PDE4D: variants seen among roughly 807,000 people sequenced by gnomAD.
PDE4D encodes the protein phosphodiesterase 4D.
Under a neutral mutation model 87.4 loss-of-function variants are expected in PDE4D, and 24 were observed. The ratio of observed to expected loss-of-function variants is 0.27; its 90% CI spans 0.20 to 0.39. The LOEUF is 0.39. Among genes scored for constraint, PDE4D ranks in the 10% least tolerant of loss-of-function variants. The pLI, the probability that PDE4D is intolerant of heterozygous loss-of-function variation, is 1.00. For missense variants in PDE4D, 714 were observed against 1,041.0 expected, an observed-to-expected ratio of 0.69 and a Z score of 4.32; for synonymous variants, 384 against 383.2, an observed-to-expected ratio of 1.00 and a Z score of -0.02.
intron 1 of PDE4D, among the ~76,000 whole-genome samples, chr5:59,786,855 T>C (rs377746925): frequency 3.9e-5 from 6 of 152,314 alleles, no homozygotes; most frequent in African/African-American, 9.6e-5. Context: ...TTGATGCCCT[T>C]TTTCAACATT....
In PDE4D at chr5:58,974,680, C is replaced by T. The variant is rs775821294; in HGVS notation, c.2414G>A (p.Arg805His). The stretch of plus-strand genomic sequence containing the variant: ...TTTGCACTGTTACGTGTCAGGAGAA[C>T]GATCATCTATGACACAGGCTTCAGG... Reference protein sequence around the residue: ...SQPEACVIDDRSPDT With the variant: ...SQPEACVIDDHSPDT Residue 805 changes from arginine (R) to histidine (H), a missense_variant, in exon 15 of 15, where the codon CGT becomes CAT. Coordinates refer to ENST00000340635, the MANE Select transcript of PDE4D (RefSeq NM_001104631.2). 3.8e-5 allele frequency: 60 copies of T among 1,569,928 alleles called. No individual in the cohort carries two copies. Among genetic ancestry groups the T allele is most frequent in the Admixed American group, 1.7e-4 (9 of 52,180 alleles).
At chr5:60,460,331 C>T (rs1160720885) in intron 1 of PDE4D, 6 of 1,009,568 alleles carry the variant, frequency 5.9e-6, no homozygotes, top group Non-Finnish European at 9.5e-6. Context: ...AAATAAAAAT[C>T]TATTCTGTAA....
At chr5:60,355,852 C>T (rs934230712) in intron 1 of PDE4D, among the ~76,000 whole-genome samples, 4 of 151,942 alleles carry the variant, frequency 2.6e-5, no homozygotes, top group African/African-American at 9.7e-5. Flanking sequence ...ATTGAGTAGG[C>T]TCAGGAGGAA....
chr5:59,111,562 A>AG (rs1164546648), intron 5 of PDE4D, among the ~76,000 whole-genome samples: 2 of 151,910 alleles, frequency 1.3e-5, no homozygotes, highest in South Asian at 2.1e-4. Flanking sequence ...CATTGTTTTG[A>AG]GAAAAAAAAA....
chr5:60,387,228 G>A (rs551592611), intron 1 of PDE4D, among the ~76,000 whole-genome samples: 1 of 152,314 alleles, frequency 6.6e-6, no homozygotes, highest in South Asian at 2.1e-4. Flanking sequence ...TGCAGTTCAT[G>A]TTTTATTTCA....
intron 5 of PDE4D, among the ~76,000 whole-genome samples, chr5:59,176,191 A>G (rs1407158116): frequency 1.3e-5 from 2 of 152,198 alleles, no homozygotes; most frequent in Admixed American, 1.3e-4. Flanking sequence ...TTTACCTACT[A>G]TATATTGAAA....
rs375193877 is a variant in PDE4D, at chr5:59,711,724, T to C, written c.455+181444A>G. On this transcript the variant is annotated intron_variant, in intron 1 of 14. Transcript: ENST00000340635. Reference sequence around the variant, plus strand: ...CCAGCGATTTTTAATTGGTAGCATATTATTAATACACTATGCATCTTCTTT... The same window carrying C: ...CCAGCGATTTTTAATTGGTAGCATACTATTAATACACTATGCATCTTCTTT... Among the ~76,000 whole-genome samples, 33 of 152,176 alleles carry C rather than the reference T, an allele frequency of 2.2e-4. 1 individual carries two copies. The East Asian group carries it at 3.1e-3, about 14-fold the overall frequency.
At position 59,293,512 on chromosome 5, in the gene PDE4D, T is replaced by G. The variant is rs577247941; in HGVS notation, c.456-77544A>C. 5.9e-5 allele frequency among the ~76,000 whole-genome samples: 9 copies of G among 152,276 alleles called. No homozygotes were observed. In the East Asian group the frequency reaches 1.7e-3, roughly 29 times the overall value. ...AAACAGATATATCAGAGTTTAAAAC[T>G]CCGATTCCCATTCTGCTCAATTGCT... On this transcript the variant is annotated intron_variant, in intron 1 of 14. Transcript: ENST00000340635.
chr5:59,496,173 ACGACCAAACTCCG>A (rs970283700), intron 1 of PDE4D, among the ~76,000 whole-genome samples: 1 of 152,088 alleles, frequency 6.6e-6, no homozygotes, highest in Non-Finnish European at 1.5e-5. Flanking sequence ...TATGACTGCC[ACGACCAAACTCCG>A]CGTCATTCCT....
chr5:60,415,186 T>C (rs1197938161), intron 1 of PDE4D, among the ~76,000 whole-genome samples: 1 of 152,254 alleles, frequency 6.6e-6, no homozygotes, highest in African/African-American at 2.4e-5. Context: ...CTGATCAGGC[T>C]ATGAGACAAG....
At chr5:59,767,175 C>T (rs181707681) in intron 1 of PDE4D, among the ~76,000 whole-genome samples, 23 of 152,094 alleles carry the variant, frequency 1.5e-4, no homozygotes, top group Middle Eastern at 3.4e-3. Context: ...CCATTGCTAA[C>T]GTACATACTG....
At chr5:59,574,078 ATATATTTATATATATAAATATATATT>A (rs1561240491) in intron 1 of PDE4D, among the ~76,000 whole-genome samples, 3 of 14,658 alleles carry the variant, frequency 2.0e-4, no homozygotes, top group African/African-American at 6.1e-4. Flanking sequence ...ATATTTATAT[ATATATTTATATATATAAATATATATT>A]TATATATATA....
At chr5:60,133,827 T>C (rs896666588) in intron 2 of PDE4D, among the ~76,000 whole-genome samples, 2 of 152,190 alleles carry the variant, frequency 1.3e-5, no homozygotes, top group African/African-American at 4.8e-5. Flanking sequence ...TACTCTACCA[T>C]TTAGTAGTTT....
chr5:59,536,076 G>A (rs1474878374), intron 1 of PDE4D, among the ~76,000 whole-genome samples: 1 of 152,182 alleles, frequency 6.6e-6, no homozygotes. Context: ...AATCTGGGCA[G>A]ATGTGTAATG....
intron 1 of PDE4D, among the ~76,000 whole-genome samples, chr5:59,241,492 A>T (rs984678048): frequency 6.6e-6 from 1 of 152,228 alleles, no homozygotes; most frequent in East Asian, 1.9e-4. Context: ...TAGGTGTAAG[A>T]AAAGGCTGTT....
intron 1 of PDE4D, among the ~76,000 whole-genome samples, chr5:60,198,040 ATT>A (rs5868224): frequency 9.7e-5 from 14 of 144,524 alleles, no homozygotes; most frequent in South Asian, 2.2e-4. Context: ...AAGAATTTGG[ATT>A]TTTTTTTTTT....
chr5:60,454,277 G>A (rs1009954424), intron 1 of PDE4D, among the ~76,000 whole-genome samples: 2 of 152,052 alleles, frequency 1.3e-5, no homozygotes, highest in Non-Finnish European at 2.9e-5. Context: ...AATACCATTT[G>A]ACCCAGCAAT....
intron 1 of PDE4D, among the ~76,000 whole-genome samples, chr5:59,593,546 C>T (rs1428389513): frequency 6.6e-6 from 1 of 152,118 alleles, no homozygotes; most frequent in Non-Finnish European, 1.5e-5. Flanking sequence ...TTGGAAGTTG[C>T]CAATCTGTCC....
chr5:60,338,694 A>G (rs1453970690), intron 1 of PDE4D, among the ~76,000 whole-genome samples: 7 of 151,998 alleles, frequency 4.6e-5, no homozygotes, highest in Admixed American at 3.9e-4. Flanking sequence ...AGTTTACTTA[A>G]TAATGGCCCA....
Sources: gnomAD v4.1 joint callset for allele counts (sites outside exome capture counted in the v4.1 genomes callset) on GRCh38, gnomAD v4.1.1 for gene constraint, MANE v1.5 for transcripts, NCBI Gene and HGNC (gene_info 2026-07-23, HGNC 2026-07-21) for gene names.